The following UBP1 variants were observed in gnomAD, a reference collection of about 807,000 sequenced individuals.
UBP1 encodes upstream-binding protein 1.
In UBP1, 22 loss-of-function variants were observed where a neutral mutation model predicts 76.1. The ratio of observed to expected loss-of-function variants is 0.29; its 90% CI spans 0.21 to 0.41. UBP1 has a LOEUF of 0.41. Among genes scored for constraint, UBP1 ranks in the 10% least tolerant of loss-of-function variants. The pLI is 1.00. For synonymous variants in UBP1, 224 were observed against 237.1 expected, an observed-to-expected ratio of 0.94 and a Z score of 0.51; for missense variants, 436 against 668.1, an observed-to-expected ratio of 0.65 and a Z score of 3.83.
At chr3:33,410,972 C>G (rs2044566226) in intron 5 of UBP1, among the ~76,000 whole-genome samples, 1 of 150,970 alleles carries the variant, frequency 6.6e-6, no homozygotes, top group South Asian at 2.1e-4. Flanking sequence ...ACTCAGGAGG[C>G]TGAGAGATGA....
chr3:33,419,258 G>A (rs2044818644), intron 2 of UBP1, among the ~76,000 whole-genome samples: 1 of 152,138 alleles, frequency 6.6e-6, no homozygotes, highest in South Asian at 2.1e-4. Context: ...ACTTTGGGAG[G>A]TCAGGGCAGG....
At chr3:33,435,285 C>T (rs2045187405) in intron 1 of UBP1, among the ~76,000 whole-genome samples, 1 of 152,018 alleles carries the variant, frequency 6.6e-6, no homozygotes, top group Non-Finnish European at 1.5e-5. Flanking sequence ...GGAAAAAAAA[C>T]AGAAATTACT....
intron 1 of UBP1, among the ~76,000 whole-genome samples, chr3:33,437,979 T>G (rs1446654860): frequency 6.6e-6 from 1 of 152,186 alleles, no homozygotes; most frequent in Non-Finnish European, 1.5e-5. Context: ...ACCTTCAAAC[T>G]TCTTTGAAAA....
At chr3:33,400,379 A>C in intron 10 of UBP1, 97 bp from the exon 11 acceptor site, 1 of 886,542 alleles carries the variant, frequency 1.1e-6, no homozygotes, top group Non-Finnish European at 1.7e-6. Flanking sequence ...AGTAAAAAAC[A>C]CCCAAAAAGA....
In UBP1 at chr3:33,389,040, TC is replaced by T. The variant is rs1361545458; in HGVS notation, c.*1290del. On this transcript the variant is annotated 3_prime_UTR_variant, in exon 16 of 16. Coordinates refer to ENST00000283629, the MANE Select transcript of UBP1 (RefSeq NM_014517.5). Reference sequence around the variant, plus strand: ...AATTCAGTCCCCTACACCACAGGCCTCAAACATGCTTGCTGATGGATTCTGG... The same window carrying T: ...AATTCAGTCCCCTACACCACAGGCCTAAACATGCTTGCTGATGGATTCTGG... 1.3e-5 allele frequency: 2 copies of T among 152,472 alleles called. No individual in the cohort carries two copies. The highest frequency in any genetic ancestry group is 2.9e-5 in the Non-Finnish European group (2 of 68,022). 9.4% of individuals were successfully genotyped at this position (152,472 alleles called of 1,614,324 possible). A position where few individuals can be genotyped will look rare whatever the true frequency, so the allele number is the denominator to read the frequency against.
intron 1 of UBP1, among the ~76,000 whole-genome samples, chr3:33,433,350 C>T (rs931034993): frequency 1.4e-4 from 20 of 142,192 alleles, no homozygotes; most frequent in African/African-American, 3.8e-4. Context: ...TGTGAGCCAC[C>T]GCGCACCCAG....
chr3:33,423,439 A>T (rs1178202220), intron 2 of UBP1, among the ~76,000 whole-genome samples: 1 of 152,248 alleles, frequency 6.6e-6, no homozygotes, highest in Non-Finnish European at 1.5e-5. Context: ...AAAAATCAAG[A>T]AATAAATGAA....
rs569206694 is a variant in UBP1, at chr3:33,439,616, G to C, written c.113+120C>G. ...CCCGACCGCCACGCGGCAGGACTCC[G>C]ACCCCGCAGCCCAGGAGGCCCGCGC... On this transcript the variant is annotated intron_variant, in intron 1 of 15. Transcript: ENST00000283629. 517 of 1,103,450 alleles carry C rather than the reference G, an allele frequency of 4.7e-4. 1 individual carries two copies. The highest frequency in any genetic ancestry group is 3.2e-3 in the African/African-American group (198 of 61,386). The allele number at this position is 1,103,450 out of a possible 1,614,324, so 68.4% of individuals were successfully genotyped here. A position where few individuals can be genotyped will look rare whatever the true frequency, so the allele number is the denominator to read the frequency against.
intron 11 of UBP1, among the ~76,000 whole-genome samples, chr3:33,398,899 C>G (rs954367923): frequency 1.3e-5 from 2 of 152,192 alleles, no homozygotes; most frequent in Non-Finnish European, 2.9e-5. Flanking sequence ...TAGTTTTTCA[C>G]ACATAAAAGG....
chr3:33,410,301 C>G (rs2154057267), intron 5 of UBP1, among the ~76,000 whole-genome samples: 1 of 152,360 alleles, frequency 6.6e-6, no homozygotes, highest in South Asian at 2.1e-4. Context: ...GACTGCTGCA[C>G]ATCCCCCTCT....
rs60739079 is a variant in UBP1 at position 33,425,996 on chromosome 3, AATATATATATATAT to A, written c.114-269_114-256del. Among the ~76,000 whole-genome samples, 428 of 55,126 alleles carry A rather than the reference AATATATATATATAT, an allele frequency of 7.8e-3. 12 individuals are homozygous for A. Among genetic ancestry groups the A allele is most frequent in the African/African-American group, 0.029 (341 of 11,662 alleles). 36.2% of individuals were successfully genotyped at this position (55,126 alleles called of 152,430 possible). On this transcript the variant is annotated intron_variant, in intron 1 of 15. Coordinates refer to ENST00000283629, the MANE Select transcript of UBP1 (RefSeq NM_014517.5). ...GGGGGAGGGCGGCAGGGCAGCTCTGAATATATATATATATATATATATATATATATATATATATA... is the reference window on the plus strand; with the variant it reads ...GGGGGAGGGCGGCAGGGCAGCTCTGAATATATATATATATATATATATATA...
intron 9 of UBP1, 81 bp from the exon 10 acceptor site, chr3:33,401,097 T>C: frequency 7.4e-7 from 1 of 1,343,928 alleles, no homozygotes; most frequent in Non-Finnish European, 1.0e-6. Flanking sequence ...AGCTGTTGCA[T>C]TGTAACTATG....
At chr3:33,432,045 T>C (rs2045122831) in intron 1 of UBP1, among the ~76,000 whole-genome samples, 1 of 152,006 alleles carries the variant, frequency 6.6e-6, no homozygotes, top group African/African-American at 2.4e-5. Flanking sequence ...AAGTTAAAAC[T>C]GGCTGGGTGC....
rs2043651588 is a variant in UBP1 at position 33,389,129 on chromosome 3, A to AAAAGT, written c.*1197_*1201dup. On this transcript the variant is annotated 3_prime_UTR_variant, in exon 16 of 16. Transcript: ENST00000283629. ...GTGAGAAAACAGTGGATTCCCTTTG[A>AAAAGT]AAAGTATGCTAGCAGACAAGCATTT... 2.0e-5 allele frequency: 3 copies of AAAAGT among 152,656 alleles called. No individual in the cohort carries two copies. 9.5% of individuals were successfully genotyped at this position (152,656 alleles called of 1,614,324 possible).
chr3:33,405,951 ATC>A (rs1163405236), intron 8 of UBP1, among the ~76,000 whole-genome samples: 1 of 152,148 alleles, frequency 6.6e-6, no homozygotes, highest in Non-Finnish European at 1.5e-5. Flanking sequence ...CCAATTATGT[ATC>A]TCCTTAAAAA....
intron 1 of UBP1, among the ~76,000 whole-genome samples, chr3:33,426,016 TATATATATATATATATATATATAG>T (rs1201367351): frequency 7.2e-5 from 7 of 97,778 alleles, no homozygotes; most frequent in African/African-American, 2.2e-4. Context: ...TATATATATA[TATATATATATATATATATATATAG>T]CACTTTAAAA....
intron 14 of UBP1, chr3:33,392,845 C>T: frequency 4.6e-6 from 2 of 437,028 alleles, no homozygotes. Context: ...CCCATGTGAC[C>T]CACAGGGGCA....
chr3:33,426,340 CCCT>C (rs1451332554), intron 1 of UBP1, among the ~76,000 whole-genome samples: 1 of 151,990 alleles, frequency 6.6e-6, no homozygotes. Context: ...GCTATTCTCC[CCCT>C]AAGAATAACC....
chr3:33,422,484 A>G (rs2044920884), intron 2 of UBP1, among the ~76,000 whole-genome samples: 1 of 152,198 alleles, frequency 6.6e-6, no homozygotes, highest in African/African-American at 2.4e-5. Context: ...TGGGAGGCCA[A>G]GGCAGGAAGA....
Sources: allele counts gnomAD v4.1 joint callset (sites outside exome capture counted in the v4.1 genomes callset), GRCh38; gene constraint gnomAD v4.1.1; transcripts MANE v1.5; gene names NCBI Gene and HGNC (gene_info 2026-07-23, HGNC 2026-07-21).